Variants in GTPBP2 observed in about 807,000 individuals in gnomAD.
GTPBP2 encodes the protein GTP-binding protein 2.
Under a neutral mutation model 63.0 loss-of-function variants are expected in GTPBP2, and 32 were observed. That is an observed-to-expected ratio of 0.51 (90% CI 0.38 to 0.68). The LOEUF is 0.68. GTPBP2 is among the 30% of genes least tolerant of loss of function. The pLI is 0.00. For synonymous variants in GTPBP2, 310 were observed against 322.6 expected (o/e 0.96, Z 0.42); for missense variants, 492 against 796.9 (o/e 0.62, Z 4.61).
chr6:43,627,057 C>A (rs1484568131), intron 1 of GTPBP2, 109 bp from the exon 2 acceptor site: 4 of 1,021,048 alleles, frequency 3.9e-6, no homozygotes, highest in African/African-American at 1.6e-5. Flanking sequence ...GGAAGCCCCA[C>A]TGGCACTTGG....
chr6:43,621,834 C>T (rs774562981), intron 11 of GTPBP2, 44 bp from the exon 12 acceptor site: 6 of 1,613,274 alleles, frequency 3.7e-6, no homozygotes. Flanking sequence ...TGCCTTCTGT[C>T]CCATTCTCTG....
In GTPBP2 at chr6:43,626,053, G is replaced by A. The variant is rs1474119816; in HGVS notation, c.398+173C>T. Among the ~76,000 whole-genome samples, 1 of 152,166 alleles carries A rather than the reference G, an allele frequency of 6.6e-6. No individual in the cohort carries two copies. The highest frequency in any genetic ancestry group is 1.5e-5 in the Non-Finnish European group (1 of 68,024). ...AAATATACATATCTTAATTCAAGGA[G>A]CAAAACAGCCTAGGTCCAGTGAGGA... On this transcript the variant is annotated intron_variant, in intron 3 of 11. Coordinates refer to ENST00000307126, the MANE Select transcript of GTPBP2 (RefSeq NM_019096.5). The surrounding 1 kb of genome is among the most constrained non-coding windows in gnomAD (Gnocchi z 4.0).
At chr6:43,628,832 C>T in intron 1 of GTPBP2, 145 bp downstream of exon 1, 1 of 934,566 alleles carries the variant, frequency 1.1e-6, no homozygotes, top group Non-Finnish European at 1.8e-6. Flanking sequence ...GTCCCGGGAC[C>T]TGAAAGAGGT....
intron 9 of GTPBP2, chr6:43,623,067 A>G: frequency 2.1e-6 from 1 of 472,044 alleles, no homozygotes; most frequent in Non-Finnish European, 3.8e-6. Flanking sequence ...TGAAGGAGCA[A>G]GTTATCCCCT....
In GTPBP2 at chr6:43,629,203, C is replaced by CCGCCGCCGCCGT; in HGVS notation, c.-53_-42dup. The CCGCCGCCGCCGT allele has an allele frequency of 2.3e-6, 3 of 1,293,006 alleles. No individual in the cohort carries two copies. The highest frequency in any genetic ancestry group is 2.9e-4 in the Middle Eastern group (1 of 3,456). The allele number at this position is 1,293,006 out of a possible 1,614,324, so 80.1% of individuals were successfully genotyped here. The stretch of plus-strand genomic sequence containing the variant: ...GCCCCCCGCCCGGCCCCTCCCCCGA[C>CCGCCGCCGCCGT]CGCCGCCGCCGTCGCCGCCGCCCTT... On this transcript the variant is annotated 5_prime_UTR_variant, in exon 1 of 12. Coordinates refer to ENST00000307126, the MANE Select transcript of GTPBP2 (RefSeq NM_019096.5).
upstream of GTPBP2, among the ~76,000 whole-genome samples, chr6:43,630,323 C>T (rs1266017444): frequency 2.0e-5 from 3 of 152,214 alleles, no homozygotes. Context: ...TGTTGCTGAG[C>T]TGCGAGTCAG....
rs1358707329 is a variant in GTPBP2, at chr6:43,621,085, T to A, written c.*529A>T. The A allele has an allele frequency of 3.4e-6, 1 of 294,572 alleles. No individual in the cohort carries two copies. 18.2% of individuals were successfully genotyped at this position (294,572 alleles called of 1,614,324 possible). A position where few individuals can be genotyped will look rare whatever the true frequency, so the allele number is the denominator to read the frequency against. ...ACAGGGTGGCAACACTACCATTCAC[T>A]GTCCCTGTGCCATTTCTTCAGACTC... On this transcript the variant is annotated 3_prime_UTR_variant, in exon 12 of 12. Coordinates refer to ENST00000307126, the MANE Select transcript of GTPBP2 (RefSeq NM_019096.5).
At chr6:43,628,442 G>T in intron 1 of GTPBP2, 1 of 512,152 alleles carries the variant, frequency 2.0e-6, no homozygotes, top group Non-Finnish European at 2.5e-6. Context: ...TTCGATACAT[G>T]CCAAAGTTTG....
Position 43,621,469 on chromosome 6 carries a change from G to C in GTPBP2, c.*145C>G, listed in dbSNP as rs947160519. 4.5e-6 allele frequency: 7 copies of C among 1,551,398 alleles called. No homozygotes were observed. In the Admixed American group the frequency reaches 1.2e-4, roughly 26 times the overall value. On this transcript the variant is annotated 3_prime_UTR_variant, in exon 12 of 12. Transcript: ENST00000307126. Reference sequence around the variant, plus strand: ...CCACACCAAGTTTGGCACCTCTCCAGAAAGTTGGCAGGGAGCAAGTGGCAG... The same window carrying C: ...CCACACCAAGTTTGGCACCTCTCCACAAAGTTGGCAGGGAGCAAGTGGCAG...
rs1414456124 is a variant in GTPBP2 at position 43,622,630 on chromosome 6, C to T, written c.1467+3G>A. The T allele has an allele frequency of 1.2e-6, 2 of 1,608,516 alleles. No homozygotes were observed. The highest frequency in any genetic ancestry group is 1.7e-6 in the Non-Finnish European group (2 of 1,175,570). On this transcript the variant is annotated splice_donor_region_variant and intron_variant, in intron 10 of 11. Coordinates refer to ENST00000307126, the MANE Select transcript of GTPBP2 (RefSeq NM_019096.5). The surrounding 1 kb of genome is among the most constrained non-coding windows in gnomAD (Gnocchi z 5.4). ...CCCTCCCCAACCCATGCACCCACCT[C>T]ACCTTGCGAAGCAGTGCACGGTCAA...
At position 43,622,916 on chromosome 6, in the gene GTPBP2, G is replaced by A. The variant is rs1235295073; in HGVS notation, c.1296-112C>T. 15 of 792,462 alleles carry A rather than the reference G, an allele frequency of 1.9e-5. No homozygotes were observed. The highest frequency in any genetic ancestry group is 3.7e-4 in the Middle Eastern group (1 of 2,678). The allele number at this position is 792,462 out of a possible 1,614,324, so 49.1% of individuals were successfully genotyped here. A position where few individuals can be genotyped will look rare whatever the true frequency, so the allele number is the denominator to read the frequency against. On this transcript the variant is annotated intron_variant, in intron 9 of 11. Coordinates refer to ENST00000307126, the MANE Select transcript of GTPBP2 (RefSeq NM_019096.5). The surrounding 1 kb of genome is among the most constrained non-coding windows in gnomAD (Gnocchi z 5.4). ...TTCTAGGGTTGAGTCCCTCAAGTGGGGAAGAACCCTAAATTCTGACTTGGA... is the reference window on the plus strand; with the variant it reads ...TTCTAGGGTTGAGTCCCTCAAGTGGAGAAGAACCCTAAATTCTGACTTGGA...
Position 43,622,248 on chromosome 6 carries a change from T to C in GTPBP2, c.1468-81A>G. On this transcript the variant is annotated intron_variant, in intron 10 of 11. Transcript: ENST00000307126. The surrounding 1 kb of genome is among the most constrained non-coding windows in gnomAD (Gnocchi z 5.4). ...CTCCCCAGCCACCCCACACCCTTTA[T>C]AGCTCCTGAATTTCCTCTTCCTCTA... is the stretch of plus-strand genomic sequence containing the variant. 1 of 1,193,904 alleles carries C rather than the reference T, an allele frequency of 8.4e-7. No homozygotes were observed. Among genetic ancestry groups the C allele is most frequent in the Non-Finnish European group, 1.2e-6 (1 of 841,668 alleles). The allele number at this position is 1,193,904 out of a possible 1,614,324, so 74.0% of individuals were successfully genotyped here.
Position 43,625,447 on chromosome 6 carries a change from G to A in GTPBP2, c.621C>T (p.Asn207=). Residue 207 remains asparagine (N), a synonymous_variant, in exon 5 of 12, where the codon AAC becomes AAT. Coordinates refer to ENST00000307126, the MANE Select transcript of GTPBP2 (RefSeq NM_019096.5). The surrounding 1 kb of genome is among the most constrained non-coding windows in gnomAD (Gnocchi z 5.1). ...LDNGRGRARL[N]LFRHLHEIQS... ...GAATCTCATGCAGGTGGCGGAAAAGGTTGAGCCGAGCCCGGCCCCGCCCAT... is the reference window on the plus strand; with the variant it reads ...GAATCTCATGCAGGTGGCGGAAAAGATTGAGCCGAGCCCGGCCCCGCCCAT... 6.2e-7 allele frequency: 1 copy of A among 1,614,054 alleles called. No individual in the cohort carries two copies. The highest frequency in any genetic ancestry group is 2.2e-5 in the East Asian group (1 of 44,854).
chr6:43,628,580 C>T (rs1354816321), intron 1 of GTPBP2: 1 of 981,070 alleles, frequency 1.0e-6, no homozygotes, highest in Non-Finnish European at 1.2e-6. Flanking sequence ...CCCGGGTACT[C>T]CCCTTCTCCC....
upstream of GTPBP2, chr6:43,629,536 C>G: frequency 7.8e-6 from 5 of 638,954 alleles, no homozygotes; most frequent in South Asian, 7.1e-5. Flanking sequence ...TTTTCTAGGA[C>G]TTGGGGGGAA....
Position 43,624,474 on chromosome 6 carries a change from C to T in GTPBP2, c.1100+36G>A, listed in dbSNP as rs756986391. On this transcript the variant is annotated intron_variant, in intron 7 of 11. Transcript: ENST00000307126. This position sits in a 1 kb window ranked among gnomAD's most constrained non-coding sequence, Gnocchi z 5.1. ...GGCCCTGGGCTCTGTGGCAGCCTTC[C>T]TAGTGGATCAGGGCTTTAGAGTAAG... 16 of 1,484,072 alleles carry T rather than the reference C, an allele frequency of 1.1e-5. No individual in the cohort carries two copies. Among genetic ancestry groups the T allele is most frequent in the Admixed American group, 8.4e-5 (5 of 59,630 alleles). The allele number at this position is 1,484,072 out of a possible 1,614,324, so 91.9% of individuals were successfully genotyped here.
chr6:43,623,866 T>C lies in GTPBP2; in HGVS notation c.1236+67A>G, dbSNP rs1769055416. 1.9e-6 allele frequency: 3 copies of C among 1,612,500 alleles called. No individual in the cohort carries two copies. In the East Asian group the frequency reaches 6.7e-5, roughly 36 times the overall value. ...GTGGGTCCAAAATCTCTAAACAGAC[T>C]CTGGGTTTGGTCTGAAGCAGCCCCT... On this transcript the variant is annotated intron_variant, in intron 8 of 11. Transcript: ENST00000307126.
Position 43,625,647 on chromosome 6 carries a change from A to C in GTPBP2, c.508-87T>G, listed in dbSNP as rs1183315723. The C allele has an allele frequency of 7.1e-7, 1 of 1,409,148 alleles. No homozygotes were observed. Among genetic ancestry groups the C allele is most frequent in the African/African-American group, 1.4e-5 (1 of 70,802 alleles). 87.3% of individuals were successfully genotyped at this position (1,409,148 alleles called of 1,614,324 possible). On this transcript the variant is annotated intron_variant, in intron 4 of 11. Coordinates refer to ENST00000307126, the MANE Select transcript of GTPBP2 (RefSeq NM_019096.5). The surrounding 1 kb of genome is among the most constrained non-coding windows in gnomAD (Gnocchi z 5.1). ...TCAAGGGCAGTGACGCTCCCTAGGG[A>C]GCAAGTGATGAACTGGAAGCCCCCA...
chr6:43,628,634 C>T, intron 1 of GTPBP2: 2 of 694,596 alleles, frequency 2.9e-6, no homozygotes, highest in Non-Finnish European at 3.5e-6. Flanking sequence ...GTCTGCCTCT[C>T]GTCCCAGGAT....
Sources: gnomAD v4.1 joint callset for allele counts (sites outside exome capture counted in the v4.1 genomes callset) on GRCh38, gnomAD v4.1.1 for gene constraint, Gnocchi (gnomAD v3.1) non-coding constraint, MANE v1.5 for transcripts, NCBI Gene and HGNC (gene_info 2026-07-23, HGNC 2026-07-21) for gene names.